Variants in LAMC1 observed in about 807,000 individuals in gnomAD.
LAMC1 encodes laminin subunit gamma-1.
LAMC1 carries 38 observed loss-of-function variants against 173.6 expected under a neutral mutation model. The observed-to-expected ratio is 0.22, with a 90% CI of 0.17 to 0.29. The LOEUF (loss-of-function observed/expected upper bound fraction) is 0.29. Among genes scored for constraint, LAMC1 ranks in the 10% least tolerant of loss-of-function variants. The pLI is 1.00. For missense variants in LAMC1, 1,824 were observed against 2,051.8 expected (o/e 0.89, Z 2.14); for synonymous variants, 746 against 749.1 (o/e 1.00, Z 0.07).
chr1:183,103,823 C>T (rs1655898450), intron 2 of LAMC1, among the ~76,000 whole-genome samples, 191 bp downstream of exon 2: 2 of 152,140 alleles, frequency 1.3e-5, no homozygotes, highest in African/African-American at 4.8e-5. Context: ...TAGTTTTGTT[C>T]CTGCTGCCTG....
In LAMC1 at chr1:183,144,094, CTG is replaced by C. The variant is rs1310505705; in HGVS notation, c.*1307_*1308del. 3 of 152,584 alleles carry C rather than the reference CTG, an allele frequency of 2.0e-5. No individual in the cohort carries two copies. Among genetic ancestry groups the C allele is most frequent in the South Asian group, 2.1e-4 (1 of 4,828 alleles). The allele number at this position is 152,584 out of a possible 1,614,324, so 9.5% of individuals were successfully genotyped here. ...GCTTCTCAACTTTTGATCCTCAGCT[CTG>C]TGGTTTTAAGACCACAGTGTGACAG... On this transcript the variant is annotated 3_prime_UTR_variant, in exon 28 of 28. Coordinates refer to ENST00000258341, the MANE Select transcript of LAMC1 (RefSeq NM_002293.4).
At chr1:183,111,497 A>G (rs1656152190) in intron 4 of LAMC1, among the ~76,000 whole-genome samples, 1 of 152,210 alleles carries the variant, frequency 6.6e-6, no homozygotes, top group South Asian at 2.1e-4. Context: ...GAAGAAGAAT[A>G]GGTCCTAGTA....
At chr1:183,105,558 A>AT (rs774345909) in intron 2 of LAMC1, among the ~76,000 whole-genome samples, 1 of 152,106 alleles carries the variant, frequency 6.6e-6, no homozygotes, top group Non-Finnish European at 1.5e-5. Context: ...GTTGCTCTTT[A>AT]TGCCGTAGAA....
rs760707432 is a variant in LAMC1, at chr1:183,122,200, G to C, written c.2350G>C (p.Val784Leu). ...TCCTGGAGGTTCAAGTTGTGCTGTT[G>C]TTCCCAAGACAAAGGAGGTGGTGTG... ...PCPGGSSCAV[V>L]PKTKEVVCTN... Residue 784 changes from valine (V) to leucine (L), a missense_variant, in exon 13 of 28, where the codon GTT becomes CTT. Physicochemically the swap from Val to Leu is conservative, Grantham distance 32. Coordinates refer to ENST00000258341, the MANE Select transcript of LAMC1 (RefSeq NM_002293.4). 2.5e-6 allele frequency: 4 copies of C among 1,614,170 alleles called. No individual in the cohort carries two copies. The East Asian group carries it at 8.9e-5, about 36-fold the overall frequency.
intron 11 of LAMC1, 51 bp from the exon 12 acceptor site, chr1:183,121,672 G>C: frequency 6.7e-7 from 1 of 1,503,280 alleles, no homozygotes; most frequent in Non-Finnish European, 9.0e-7. Context: ...CTTTACACAA[G>C]GTTTGGAAAA....
chr1:183,134,536 C>A (rs970185998), intron 22 of LAMC1, 124 bp from the exon 23 acceptor site: 1 of 688,036 alleles, frequency 1.5e-6, no homozygotes, highest in Non-Finnish European at 2.3e-6. Flanking sequence ...TCCATAAAAT[C>A]TTGATCTGTG....
Position 183,130,543 on chromosome 1 carries a change from C to T in LAMC1, c.3480C>T (p.Ala1160=), listed in dbSNP as rs142579805. 557 of 1,613,728 alleles carry T rather than the reference C, an allele frequency of 3.5e-4. 3 individuals are homozygous for T. Among genetic ancestry groups the T allele is most frequent in the Admixed American group, 1.3e-4 (8 of 59,984 alleles). ...TTGAGAAAGCAAAAGTCGCTGCTGC[C>T]AATGTGGTAAGTGATTGCAAACGTC... The part of the protein sequence containing the change: ...RELEKAKVAA[A]NVSVTQPEST... Residue 1160 remains alanine (A), a synonymous_variant, in exon 19 of 28, where the codon GCC becomes GCT. Coordinates refer to ENST00000258341, the MANE Select transcript of LAMC1 (RefSeq NM_002293.4).
intron 1 of LAMC1, among the ~76,000 whole-genome samples, chr1:183,057,769 A>G (rs1211314566): frequency 6.6e-6 from 1 of 151,842 alleles, no homozygotes; most frequent in Non-Finnish European, 1.5e-5. Context: ...TTTTTTTTTG[A>G]CAGCTGTCAA....
chr1:183,028,157 C>G (rs902857195), intron 1 of LAMC1, among the ~76,000 whole-genome samples: 1 of 151,806 alleles, frequency 6.6e-6, no homozygotes, highest in Non-Finnish European at 1.5e-5. Context: ...CATTCCTCCC[C>G]CCCCCCACCT....
intron 1 of LAMC1, among the ~76,000 whole-genome samples, chr1:183,081,309 A>G (rs949959064): frequency 1.3e-5 from 2 of 152,048 alleles, no homozygotes; most frequent in African/African-American, 4.8e-5. Context: ...AAAATGAATA[A>G]CTTTATGGCC....
intron 1 of LAMC1, 131 bp from the exon 2 acceptor site, chr1:183,103,183 TCTGTTTTAGAATAG>T: frequency 2.4e-6 from 2 of 828,660 alleles, no homozygotes; most frequent in South Asian, 3.7e-5. Flanking sequence ...TACGTAGTTT[TCTGTTTTAGAATAG>T]CCTGTCTTCT....
At chr1:183,103,251 C>T (rs936051859) in intron 1 of LAMC1, 77 bp from the exon 2 acceptor site, 1 of 1,373,756 alleles carries the variant, frequency 7.3e-7, no homozygotes, top group Non-Finnish European at 1.0e-6. Context: ...TGTCAAGTTC[C>T]AAACTAAGCT....
chr1:183,025,467 A>G (rs577854051), intron 1 of LAMC1, among the ~76,000 whole-genome samples: 92 of 152,356 alleles, frequency 6.0e-4, no homozygotes, highest in African/African-American at 2.2e-3. Flanking sequence ...ATTTCATAAA[A>G]TGATACTATG....
intron 13 of LAMC1, among the ~76,000 whole-genome samples, chr1:183,124,260 C>G (rs1319555587): frequency 6.6e-6 from 1 of 152,228 alleles, no homozygotes; most frequent in East Asian, 1.9e-4. Flanking sequence ...TGGCACTTCA[C>G]CTCTTTTAAT....
chr1:183,100,339 G>A (rs140048145), intron 1 of LAMC1, among the ~76,000 whole-genome samples: 2 of 152,212 alleles, frequency 1.3e-5, no homozygotes, highest in East Asian at 3.9e-4. Context: ...GTATTTTCTG[G>A]TTTAATGCCT....
intron 1 of LAMC1, among the ~76,000 whole-genome samples, chr1:183,034,656 G>A (rs1309973928): frequency 2.6e-5 from 4 of 152,118 alleles, no homozygotes; most frequent in South Asian, 2.1e-4. Flanking sequence ...AAAGCTTCCC[G>A]GATCTTGAAG....
intron 23 of LAMC1, 83 bp downstream of exon 23, chr1:183,134,892 A>G: frequency 7.0e-7 from 1 of 1,435,432 alleles, no homozygotes; most frequent in Non-Finnish European, 9.7e-7. Context: ...CCGTACTTTC[A>G]GAGACAGCAG....
At chr1:183,080,041 C>T (rs578000730) in intron 1 of LAMC1, among the ~76,000 whole-genome samples, 7 of 151,920 alleles carry the variant, frequency 4.6e-5, no homozygotes, top group South Asian at 4.2e-4. Context: ...GTCAGGAGTT[C>T]GAGACTAGGC....
chr1:183,094,316 T>A (rs1341932077), intron 1 of LAMC1, among the ~76,000 whole-genome samples: 3 of 152,224 alleles, frequency 2.0e-5, no homozygotes, highest in African/African-American at 7.2e-5. Context: ...ACCTTATCCA[T>A]GTCATGAGAC....
Sources: gnomAD v4.1 joint callset for allele counts (sites outside exome capture counted in the v4.1 genomes callset) on GRCh38, gnomAD v4.1.1 for gene constraint, MANE v1.5 for transcripts, NCBI Gene and HGNC (gene_info 2026-07-23, HGNC 2026-07-21) for gene names.